The following JAK2 variants were observed in gnomAD, a reference collection of about 807,000 sequenced individuals.
JAK2 encodes tyrosine-protein kinase JAK2.
Under a neutral mutation model 139.3 loss-of-function variants are expected in JAK2, and 86 were observed. The ratio of observed to expected loss-of-function variants is 0.62; its 90% CI spans 0.52 to 0.74. The LOEUF is 0.74. Among genes scored for constraint, JAK2 ranks in the 30% least tolerant of loss-of-function variants. JAK2 has a pLI of 0.00. For synonymous variants in JAK2, 490 were observed against 437.7 expected, an observed-to-expected ratio of 1.12 and a Z score of -1.49; for missense variants, 1,421 against 1,360.3, an observed-to-expected ratio of 1.04 and a Z score of -0.70.
chr9:4,997,022 G>C (rs1395349223), intron 2 of JAK2, among the ~76,000 whole-genome samples: 9 of 149,022 alleles, frequency 6.0e-5, no homozygotes. Flanking sequence ...TGCCTTCCCT[G>C]GGGTCCAGTG....
At chr9:5,058,389 G>A (rs896670139) in intron 8 of JAK2, among the ~76,000 whole-genome samples, 2 of 152,086 alleles carry the variant, frequency 1.3e-5, no homozygotes, top group African/African-American at 4.8e-5. Context: ...AGTGTCCAGG[G>A]GAAAGTGCCA....
intron 4 of JAK2, among the ~76,000 whole-genome samples, chr9:5,037,717 G>A (rs1325932864): frequency 6.6e-6 from 1 of 152,176 alleles, no homozygotes; most frequent in Non-Finnish European, 1.5e-5. Flanking sequence ...GGGGTGGGGG[G>A]ATGGAGGAGG....
intron 19 of JAK2, among the ~76,000 whole-genome samples, chr9:5,088,790 A>T (rs1820324755): frequency 6.6e-6 from 1 of 152,206 alleles, no homozygotes; most frequent in African/African-American, 2.4e-5. Context: ...GATTGCTCTA[A>T]TGTCTCTTCC....
At chr9:5,075,699 ATGTTAT>A (rs1819264034) in intron 14 of JAK2, among the ~76,000 whole-genome samples, 3 of 152,196 alleles carry the variant, frequency 2.0e-5, no homozygotes, top group Non-Finnish European at 2.9e-5. Context: ...AAGGATATTC[ATGTTAT>A]TTTCAGGCCT....
intron 2 of JAK2, among the ~76,000 whole-genome samples, chr9:5,009,393 G>A (rs1383021540): frequency 6.6e-6 from 1 of 152,050 alleles, no homozygotes. Flanking sequence ...GAGCAGCACA[G>A]GAACACTATG....
At chr9:5,123,356 A>G (rs1436309696) in intron 23 of JAK2, among the ~76,000 whole-genome samples, 1 of 151,862 alleles carries the variant, frequency 6.6e-6, no homozygotes, top group African/African-American at 2.4e-5. Flanking sequence ...TCCACATTCT[A>G]CGTTCATGTG....
intron 2 of JAK2, among the ~76,000 whole-genome samples, chr9:5,012,522 C>T (rs1026676289): frequency 1.3e-5 from 2 of 152,134 alleles, no homozygotes; most frequent in African/African-American, 2.4e-5. Flanking sequence ...AGGGAATGCA[C>T]ATGATTTTTC....
intron 3 of JAK2, among the ~76,000 whole-genome samples, chr9:5,028,902 C>G (rs532120316): frequency 6.6e-6 from 1 of 152,300 alleles, no homozygotes; most frequent in South Asian, 2.1e-4. Context: ...CTAGACCACT[C>G]AAACTTTTGT....
At chr9:5,121,758 G>A (rs1053806019) in intron 22 of JAK2, among the ~76,000 whole-genome samples, 2 of 152,074 alleles carry the variant, frequency 1.3e-5, no homozygotes, top group Non-Finnish European at 2.9e-5. Context: ...TTTCAACAAG[G>A]GGAATTAATT....
rs1385957849 is a variant in JAK2, at chr9:5,078,458, G to A, written c.2131+14G>A. ...TGCCAAAGGACAGTAAGTTCTAGAA[G>A]GATTATATATAATGTTACTAAGCTT... On this transcript the variant is annotated intron_variant, in intron 16 of 24. Coordinates refer to ENST00000381652, the MANE Select transcript of JAK2 (RefSeq NM_004972.4). The A allele has an allele frequency of 3.7e-6, 6 of 1,603,698 alleles. No homozygotes were observed. The highest frequency in any genetic ancestry group is 4.3e-6 in the Non-Finnish European group (5 of 1,173,148).
intron 22 of JAK2, chr9:5,100,328 G>A (rs1353406130): frequency 1.3e-5 from 2 of 152,090 alleles, no homozygotes; most frequent in Non-Finnish European, 2.9e-5. Flanking sequence ...CATCTGGCCT[G>A]GCCATGTGAT....
At chr9:4,998,897 C>T (rs1344713096) in intron 2 of JAK2, among the ~76,000 whole-genome samples, 2 of 152,186 alleles carry the variant, frequency 1.3e-5, no homozygotes, top group Non-Finnish European at 2.9e-5. Context: ...GTGGTGCGAT[C>T]TGCAAGCTCC....
chr9:5,031,326 G>A (rs1823129740), intron 4 of JAK2, among the ~76,000 whole-genome samples: 1 of 152,010 alleles, frequency 6.6e-6, no homozygotes, highest in Non-Finnish European at 1.5e-5. Flanking sequence ...ACTACAAAAT[G>A]GTATCTATTA....
At chr9:5,066,299 G>A (rs1197565328) in intron 9 of JAK2, among the ~76,000 whole-genome samples, 1 of 152,042 alleles carries the variant, frequency 6.6e-6, no homozygotes, top group East Asian at 1.9e-4. Context: ...AACTGCTATG[G>A]TAGTAGAGAT....
intron 4 of JAK2, among the ~76,000 whole-genome samples, chr9:5,036,960 T>C (rs1279963110): frequency 2.0e-5 from 3 of 152,168 alleles, no homozygotes; most frequent in African/African-American, 7.2e-5. Flanking sequence ...TGTAATCTAC[T>C]CATCTGATAA....
chr9:5,012,900 A>T (rs1474203262), intron 2 of JAK2, among the ~76,000 whole-genome samples: 1 of 152,222 alleles, frequency 6.6e-6, no homozygotes, highest in Non-Finnish European at 1.5e-5. Context: ...GAGGCAAAGT[A>T]GACTTAGGGA....
chr9:5,031,865 C>T (rs1011909878), intron 4 of JAK2, among the ~76,000 whole-genome samples: 8 of 152,236 alleles, frequency 5.3e-5, no homozygotes, highest in African/African-American at 1.9e-4. Flanking sequence ...GCATTTCCAA[C>T]TGAGGTGTAC....
chr9:5,091,881 G>T (rs1242775959), intron 22 of JAK2, among the ~76,000 whole-genome samples: 4 of 152,042 alleles, frequency 2.6e-5, no homozygotes, highest in African/African-American at 9.7e-5. Context: ...GCTAGTAAGA[G>T]ACCTAGGGTG....
At position 5,080,326 on chromosome 9, in the gene JAK2, G is replaced by A; in HGVS notation, c.2229G>A (p.Leu743=). ...ATDKWSFGTT[L]WEICSGGDKP... ...ACAAATGGAGTTTTGGTACCACTTTGTGGGAAATCTGCAGTGGAGGAGATA... is the reference window on the plus strand; with the variant it reads ...ACAAATGGAGTTTTGGTACCACTTTATGGGAAATCTGCAGTGGAGGAGATA... Residue 743 remains leucine, a synonymous_variant, in exon 17 of 25, where the codon TTG becomes TTA. Transcript: ENST00000381652. 2 of 1,613,874 alleles carry A rather than the reference G, an allele frequency of 1.2e-6. No homozygotes were observed. Among genetic ancestry groups the A allele is most frequent in the Non-Finnish European group, 1.7e-6 (2 of 1,179,860 alleles).
Sources: gnomAD v4.1 joint callset for allele counts (sites outside exome capture counted in the v4.1 genomes callset) on GRCh38, gnomAD v4.1.1 for gene constraint, MANE v1.5 for transcripts, NCBI Gene and HGNC (gene_info 2026-07-23, HGNC 2026-07-21) for gene names.